CTNND2: variants seen among roughly 807,000 people sequenced by gnomAD.
CTNND2 encodes the protein catenin delta-2.
Under a neutral mutation model 144.4 loss-of-function variants are expected in CTNND2, and 22 were observed. That is an observed-to-expected ratio of 0.15 (90% CI 0.11 to 0.22). The LOEUF is 0.22. CTNND2 is among the 10% of genes least tolerant of loss of function. The probability of loss-of-function intolerance (pLI) is 1.00; values close to 1 mark genes in which losing one functional copy is unlikely to be tolerated. For synonymous variants in CTNND2, 751 were observed against 695.6 expected, an observed-to-expected ratio of 1.08 and a Z score of -1.25; for missense variants, 1,353 against 1,618.8, an observed-to-expected ratio of 0.84 and a Z score of 2.82.
intron 16 of CTNND2, among the ~76,000 whole-genome samples, chr5:11,082,334 A>G (rs181610831): frequency 6.6e-6 from 1 of 152,350 alleles, no homozygotes; most frequent in African/African-American, 2.4e-5. Context: ...AAATAAATTT[A>G]AAATAGAGAG....
At chr5:11,051,665 G>C (rs894466269) in intron 16 of CTNND2, among the ~76,000 whole-genome samples, 2 of 152,078 alleles carry the variant, frequency 1.3e-5, no homozygotes, top group African/African-American at 2.4e-5. Flanking sequence ...TTAGAATTAG[G>C]TTTCTTTTTT....
chr5:11,697,091 C>T (rs963499281), intron 2 of CTNND2, among the ~76,000 whole-genome samples: 14 of 152,056 alleles, frequency 9.2e-5, no homozygotes, highest in African/African-American at 1.4e-4. Context: ...TTTAAGGAAC[C>T]GGACAAATAT....
chr5:11,028,750 C>T (rs1469264083), intron 16 of CTNND2, among the ~76,000 whole-genome samples: 1 of 152,148 alleles, frequency 6.6e-6, no homozygotes, highest in East Asian at 1.9e-4. Context: ...ATTCTGTCAT[C>T]CAGGGTGTAG....
chr5:11,361,370 G>A (rs1457050729), intron 8 of CTNND2, among the ~76,000 whole-genome samples: 1 of 152,128 alleles, frequency 6.6e-6, no homozygotes, highest in South Asian at 2.1e-4. Flanking sequence ...TGCCCAGTCT[G>A]GTCTTGAATT....
At chr5:11,083,439 G>T (rs1289267006) in intron 15 of CTNND2, among the ~76,000 whole-genome samples, 2 of 152,164 alleles carry the variant, frequency 1.3e-5, no homozygotes, top group East Asian at 3.9e-4. Flanking sequence ...AAACATTAAG[G>T]TTAAACTGTA....
At position 11,545,662 on chromosome 5, in the gene CTNND2, C is replaced by CAAAAAA. The variant is rs34532125; in HGVS notation, c.287+19276_287+19281dup. ...TTGGTGACAGAGCAAGACTGTGTCT[C>CAAAAAA]AAAAAAAAAAAAAAAAAAAAAAGGA... On this transcript the variant is annotated intron_variant, in intron 3 of 21. Coordinates refer to ENST00000304623, the MANE Select transcript of CTNND2 (RefSeq NM_001332.4). Among the ~76,000 whole-genome samples the CAAAAAA allele has an allele frequency of 3.5e-4, 26 of 74,254 alleles. 1 individual carries two copies. The highest frequency in any genetic ancestry group is 3.2e-3 in the Admixed American group (18 of 5,546). 48.7% of individuals were successfully genotyped at this position (74,254 alleles called of 152,430 possible).
chr5:11,694,628 G>T (rs1353508027), intron 2 of CTNND2, among the ~76,000 whole-genome samples: 1 of 151,932 alleles, frequency 6.6e-6, no homozygotes, highest in African/African-American at 2.4e-5. Context: ...TTAATTTGGG[G>T]GTTATAAATG....
chr5:11,569,499 G>A (rs1274825234), intron 2 of CTNND2, among the ~76,000 whole-genome samples: 1 of 151,950 alleles, frequency 6.6e-6, no homozygotes, highest in Non-Finnish European at 1.5e-5. Context: ...GATTTATTTG[G>A]TTTAATTAAA....
chr5:11,320,730 C>A (rs1191736744), intron 9 of CTNND2, among the ~76,000 whole-genome samples: 1 of 152,116 alleles, frequency 6.6e-6, no homozygotes, highest in African/African-American at 2.4e-5. Context: ...GGGAAAGACC[C>A]GCCCCCATGA....
intron 9 of CTNND2, among the ~76,000 whole-genome samples, chr5:11,284,440 T>G (rs1436413799): frequency 6.6e-6 from 1 of 152,018 alleles, no homozygotes; most frequent in Non-Finnish European, 1.5e-5. Flanking sequence ...CAGGACCCAG[T>G]GTGTGTTGTT....
chr5:11,486,358 G>A (rs913311609), intron 3 of CTNND2, among the ~76,000 whole-genome samples: 4 of 152,000 alleles, frequency 2.6e-5, no homozygotes, highest in East Asian at 1.9e-4. Context: ...CCAGTAGATC[G>A]CACTAGGTGA....
rs79784539 is a variant in CTNND2, at chr5:11,476,972, T to C, written c.288-64903A>G. Among the ~76,000 whole-genome samples, 1,057 of 152,292 alleles carry C rather than the reference T, an allele frequency of 6.9e-3. 9 individuals carry two copies. The highest frequency in any genetic ancestry group is 0.024 in the African/African-American group (997 of 41,564). ...CCCTTTTTATACAAAGATCCCACTT[T>C]AACATAAAAAACTGGGGATTCACAG... On this transcript the variant is annotated intron_variant, in intron 3 of 21. Transcript: ENST00000304623.
intron 1 of CTNND2, among the ~76,000 whole-genome samples, chr5:11,829,630 G>T (rs1793787530): frequency 6.6e-6 from 1 of 152,208 alleles, no homozygotes; most frequent in South Asian, 2.1e-4. Flanking sequence ...GTATAGAAAT[G>T]CCTGGATGTC....
intron 9 of CTNND2, among the ~76,000 whole-genome samples, chr5:11,319,312 T>G (rs911609107): frequency 6.6e-6 from 1 of 152,118 alleles, no homozygotes; most frequent in Non-Finnish European, 1.5e-5. Flanking sequence ...ACTCAATAAG[T>G]ATTTGTTGAA....
At chr5:11,850,116 A>T (rs1794945865) in intron 1 of CTNND2, among the ~76,000 whole-genome samples, 1 of 152,156 alleles carries the variant, frequency 6.6e-6, no homozygotes, top group Non-Finnish European at 1.5e-5. Flanking sequence ...TACAATAAAA[A>T]AGTACACCCA....
intron 2 of CTNND2, among the ~76,000 whole-genome samples, chr5:11,717,819 C>G (rs1224385098): frequency 6.6e-6 from 1 of 152,028 alleles, no homozygotes; most frequent in East Asian, 1.9e-4. Flanking sequence ...GGAAACTGCC[C>G]CCATGATTCA....
chr5:11,646,287 GA>G (rs1446840732), intron 2 of CTNND2, among the ~76,000 whole-genome samples: 3 of 152,126 alleles, frequency 2.0e-5, no homozygotes, highest in Admixed American at 6.5e-5. Context: ...ACAAGTTTCT[GA>G]ATAGCCATTA....
At chr5:11,611,963 G>A (rs1338412074) in intron 2 of CTNND2, among the ~76,000 whole-genome samples, 3 of 152,044 alleles carry the variant, frequency 2.0e-5, no homozygotes, top group Non-Finnish European at 4.4e-5. Flanking sequence ...TTCTAGTTGT[G>A]TTCCTAATAC....
At chr5:11,819,613 C>T (rs1350993883) in intron 1 of CTNND2, among the ~76,000 whole-genome samples, 1 of 152,184 alleles carries the variant, frequency 6.6e-6, no homozygotes, top group Non-Finnish European at 1.5e-5. Flanking sequence ...CACTATTTTC[C>T]TCTCCTTTTG....
Sources: allele counts gnomAD v4.1 joint callset (sites outside exome capture counted in the v4.1 genomes callset), GRCh38; gene constraint gnomAD v4.1.1; transcripts MANE v1.5; gene names NCBI Gene and HGNC (gene_info 2026-07-23, HGNC 2026-07-21).